The following CASKIN2 variants were observed in gnomAD, a reference collection of about 807,000 sequenced individuals.
CASKIN2 encodes the protein caskin-2.
A neutral mutation model predicts 107.1 loss-of-function variants in CASKIN2; 41 were observed. The observed-to-expected ratio is 0.38, with a 90% CI of 0.30 to 0.50. The LOEUF (loss-of-function observed/expected upper bound fraction) is 0.50. Among genes scored for constraint, CASKIN2 ranks in the 20% least tolerant of loss-of-function variants. The probability of loss-of-function intolerance (pLI) is 0.92; values close to 1 mark genes in which losing one functional copy is unlikely to be tolerated. For synonymous variants in CASKIN2, 724 were observed against 705.6 expected, an observed-to-expected ratio of 1.03 and a Z score of -0.41; for missense variants, 1,546 against 1,657.4, an observed-to-expected ratio of 0.93 and a Z score of 1.17.
rs2053270158 is a variant in CASKIN2, at chr17:75,506,767, A to G, written c.486+32T>C. ...TCCTCCTGAGACCCTGTAGATGTCC[A>G]GGACCCAGCACCCCAAGGCTGCAGG... On this transcript the variant is annotated intron_variant, in intron 6 of 19. Transcript: ENST00000321617. The surrounding 1 kb of genome is among the most constrained non-coding windows in gnomAD (Gnocchi z 4.8). 1 of 1,613,698 alleles carries G rather than the reference A, an allele frequency of 6.2e-7. No homozygotes were observed. The highest frequency in any genetic ancestry group is 1.3e-5 in the African/African-American group (1 of 74,934).
At position 75,502,519 on chromosome 17, in the gene CASKIN2, C is replaced by T; in HGVS notation, c.2555G>A (p.Gly852Glu). The change falls in exon 18 of 20, where the codon GGG (glycine) becomes GAG (glutamate). Residue 852 changes from glycine to glutamate, a missense_variant. Gly to Glu is a moderately conservative substitution (Grantham distance 98). Transcript: ENST00000321617. This position sits in a 1 kb window ranked among gnomAD's most constrained non-coding sequence, Gnocchi z 4.3. ...SPSVTPTPAR[G>E]TPRSQSFALR... ...GGCAAAGGACTGGCTGCGAGGAGTCCCCCGAGCTGGGGTTGGGGTCACACT... is the reference window on the plus strand; with the variant it reads ...GGCAAAGGACTGGCTGCGAGGAGTCTCCCGAGCTGGGGTTGGGGTCACACT... 3 of 1,479,560 alleles carry T rather than the reference C, an allele frequency of 2.0e-6. No homozygotes were observed. In the South Asian group the frequency reaches 4.1e-5, roughly 20 times the overall value. 91.7% of individuals were successfully genotyped at this position (1,479,560 alleles called of 1,614,324 possible).
Position 75,506,877 on chromosome 17 carries a change from C to T in CASKIN2, c.408G>A (p.Gln136=). ...GHYEVSEMLL[Q]HQSNPCLVNK... ...TGACCAGGCATGGGTTGGACTGATG[C>T]TGGAGGAGCATTTCTGACTGGGGTT... Residue 136 remains glutamine, a synonymous_variant, in exon 6 of 20, where the codon CAG becomes CAA. Coordinates refer to ENST00000321617, the MANE Select transcript of CASKIN2 (RefSeq NM_020753.5). The surrounding 1 kb of genome is among the most constrained non-coding windows in gnomAD (Gnocchi z 4.8). The T allele has an allele frequency of 6.2e-7, 1 of 1,612,086 alleles. No homozygotes were observed. Among genetic ancestry groups the T allele is most frequent in the Non-Finnish European group, 8.5e-7 (1 of 1,179,322 alleles).
chr17:75,505,004 T>G lies in CASKIN2; in HGVS notation c.1000A>C (p.Ile334Leu). Residue 334 changes from isoleucine (I) to leucine (L), a missense_variant, in exon 11 of 20, where the codon ATA becomes CTA. Ile to Leu is a conservative substitution (Grantham distance 5). Transcript: ENST00000321617. This position sits in a 1 kb window ranked among gnomAD's most constrained non-coding sequence, Gnocchi z 5.1. ...ACAATGCCCGGGGGGAAGTAGCCTA[T>G]GCGGTCTGTGCCCCTCTGGCTCTCG... ...IHESQRGTDR[I>L]GYFPPGIVEV... 6.2e-7 allele frequency: 1 copy of G among 1,610,114 alleles called. No homozygotes were observed. The highest frequency in any genetic ancestry group is 8.5e-7 in the Non-Finnish European group (1 of 1,178,704).
At position 75,503,525 on chromosome 17, in the gene CASKIN2, C is replaced by T. The variant is rs560853432; in HGVS notation, c.1683G>A (p.Thr561=). 1.3e-5 allele frequency: 21 copies of T among 1,608,504 alleles called. No individual in the cohort carries two copies. The highest frequency in any genetic ancestry group is 5.5e-5 in the South Asian group (5 of 91,006). The part of the protein sequence containing the change: ...IAEWLPSYIP[T]DLLEWLCALG... The stretch of plus-strand genomic sequence containing the variant: ...GTGCACACAGCCACTCCAGCAGGTC[C>T]GTCTGGAAGAGCACCGTCCTCAGAA... The change falls in exon 17 of 20, where the codon ACG becomes ACA. Residue 561 remains threonine, a splice_region_variant and synonymous_variant. Transcript: ENST00000321617.
Position 75,503,219 on chromosome 17 carries a change from G to T in CASKIN2, c.1855C>A (p.Leu619Met). The T allele has an allele frequency of 6.3e-7, 1 of 1,598,580 alleles. No homozygotes were observed. Reference protein sequence around the residue: ...QKKLMLGVKRLAELRRGLLQG... With the variant: ...QKKLMLGVKRMAELRRGLLQG... ...AGCAGGCCCCGCCGAAGCTCCGCCA[G>T]CCGCTTCACCCCCAGCATGAGCTTC... Residue 619 changes from leucine to methionine, a missense_variant, in exon 18 of 20, where the codon CTG becomes ATG. Physicochemically the swap from Leu to Met is conservative, Grantham distance 15. Coordinates refer to ENST00000321617, the MANE Select transcript of CASKIN2 (RefSeq NM_020753.5).
intron 2 of CASKIN2, among the ~76,000 whole-genome samples, chr17:75,510,977 TG>T (rs1017081930): frequency 1.3e-5 from 2 of 149,082 alleles, no homozygotes; most frequent in African/African-American, 5.0e-5. Flanking sequence ...GAGGCTGAGG[TG>T]GGAAGATGAG....
At position 75,508,264 on chromosome 17, in the gene CASKIN2, C is replaced by T. The variant is rs774063256; in HGVS notation, c.116G>A (p.Arg39Lys). The change falls in exon 3 of 20, where the codon AGG (arginine) becomes AAG (lysine). Residue 39 changes from arginine (R) to lysine (K), a missense_variant. This residue lies in a region of CASKIN2 where 136 missense variants were observed against 198.6 expected (regional missense o/e 0.68). Coordinates refer to ENST00000321617, the MANE Select transcript of CASKIN2 (RefSeq NM_020753.5). ...AGCATCCTGGTAGTTCACGTTGAGCCTCTTTGTGGAGCCCAGGAGCTCTAG... is the reference window on the plus strand; with the variant it reads ...AGCATCCTGGTAGTTCACGTTGAGCTTCTTTGTGGAGCCCAGGAGCTCTAG... ...TKTKLLGSTK[R>K]LNVNYQDADG... The T allele has an allele frequency of 1.2e-6, 2 of 1,613,908 alleles. No homozygotes were observed. Among genetic ancestry groups the T allele is most frequent in the Non-Finnish European group, 1.7e-6 (2 of 1,179,912 alleles).
rs186314906 is a variant in CASKIN2 at position 75,504,275 on chromosome 17, G to A, written c.1407C>T (p.Cys469=). The A allele has an allele frequency of 1.2e-6, 2 of 1,607,422 alleles. No homozygotes were observed. The highest frequency in any genetic ancestry group is 1.7e-6 in the Non-Finnish European group (2 of 1,177,510). Residue 469 remains cysteine, a synonymous_variant, in exon 14 of 20, where the codon TGC becomes TGT. Coordinates refer to ENST00000321617, the MANE Select transcript of CASKIN2 (RefSeq NM_020753.5). ...GGGTGAAGATCTGCTCCCCAGAGCG[G>A]CAGTTGGCCAGAGGGCGGTGGCTCA... ...DNLSHRPLAN[C]RSGEQIFTQD...
At chr17:75,514,758 T>G (rs1296416331) in intron 1 of CASKIN2, among the ~76,000 whole-genome samples, 1 of 152,194 alleles carries the variant, frequency 6.6e-6, no homozygotes, top group East Asian at 1.9e-4. Context: ...CCCCCATTTC[T>G]GGGGGCTCTG....
chr17:75,502,100 G>T lies in CASKIN2; in HGVS notation c.2974C>A (p.Arg992=). 1 of 1,608,832 alleles carries T rather than the reference G, an allele frequency of 6.2e-7. No individual in the cohort carries two copies. The highest frequency in any genetic ancestry group is 8.5e-7 in the Non-Finnish European group (1 of 1,179,864). Residue 992 remains arginine, a synonymous_variant, in exon 18 of 20, where the codon CGG becomes AGG. Coordinates refer to ENST00000321617, the MANE Select transcript of CASKIN2 (RefSeq NM_020753.5). The surrounding 1 kb of genome is among the most constrained non-coding windows in gnomAD (Gnocchi z 4.3). The part of the protein sequence containing the change: ...FNLTESDTVK[R]RPKCREREPL... Reference sequence around the variant, plus strand: ...TCTCTCTCCCGGCACTTGGGCCTCCGCTTAACAGTGTCTGATTCCGTGAGG... The same window carrying T: ...TCTCTCTCCCGGCACTTGGGCCTCCTCTTAACAGTGTCTGATTCCGTGAGG...
Position 75,504,234 on chromosome 17 carries a change from T to C in CASKIN2, c.1448A>G (p.Glu483Gly). 1 of 1,523,212 alleles carries C rather than the reference T, an allele frequency of 6.6e-7. No homozygotes were observed. The allele number at this position is 1,523,212 out of a possible 1,614,324, so 94.4% of individuals were successfully genotyped here. Reference sequence around the variant, plus strand: ...TCACACCTTCCCCTCCAGCAGCTGTTCTGGCCGCACGTCCTGGGTGAAGAT... The same window carrying C: ...TCACACCTTCCCCTCCAGCAGCTGTCCTGGCCGCACGTCCTGGGTGAAGAT... ...EQIFTQDVRP[E>G]QLLEGKDAQA... The change falls in exon 14 of 20, where the codon GAA becomes GGA. Residue 483 changes from glutamate (E) to glycine (G), a missense_variant. Physicochemically the swap from Glu to Gly is moderately conservative, Grantham distance 98 (BLOSUM62 -2). Transcript: ENST00000321617.
chr17:75,507,197 G>C (rs2053275038), intron 4 of CASKIN2, 68 bp from the exon 5 acceptor site: 1 of 1,521,480 alleles, frequency 6.6e-7, no homozygotes, highest in African/African-American at 1.4e-5. Context: ...GAACTGAGCA[G>C]AGTACGGAGC....
intron 3 of CASKIN2, 36 bp from the exon 4 acceptor site, chr17:75,507,717 G>C: frequency 6.6e-7 from 1 of 1,507,776 alleles, no homozygotes; most frequent in Non-Finnish European, 9.2e-7. Flanking sequence ...GGGTGTTGGT[G>C]GGCAGCCCCC....
At position 75,502,607 on chromosome 17, in the gene CASKIN2, G is replaced by A; in HGVS notation, c.2467C>T (p.Leu823=). 2 of 1,603,176 alleles carry A rather than the reference G, an allele frequency of 1.2e-6. No homozygotes were observed. Among genetic ancestry groups the A allele is most frequent in the South Asian group, 1.1e-5 (1 of 89,592 alleles). ...CGGGTAAGGGTAGCATAACTGCCTA[G>A]GGTGCTGCCCACTGGCCCTTCGGCC... ...GEAEGPVGST[L]GSYATLTRRP... is the part of the protein sequence containing the mutation. Residue 823 remains leucine (L), a synonymous_variant, in exon 18 of 20, where the codon CTA becomes TTA. Transcript: ENST00000321617. This position sits in a 1 kb window ranked among gnomAD's most constrained non-coding sequence, Gnocchi z 4.3.
chr17:75,514,411 T>C (rs1462610604), intron 1 of CASKIN2, among the ~76,000 whole-genome samples: 1 of 142,700 alleles, frequency 7.0e-6, no homozygotes, highest in Non-Finnish European at 1.5e-5. Flanking sequence ...GGGGGGGAGG[T>C]GGCATTCTGG....
At position 75,503,713 on chromosome 17, in the gene CASKIN2, G is replaced by C. The variant is rs9913424; in HGVS notation, c.1626C>G (p.Ile542Met). 1 of 1,612,506 alleles carries C rather than the reference G, an allele frequency of 6.2e-7. No individual in the cohort carries two copies. Among genetic ancestry groups the C allele is most frequent in the Admixed American group, 1.7e-5 (1 of 60,020 alleles). ...GVTKPGHRKKIASEIAQLSIA... is the reference protein window; with the variant it reads ...GVTKPGHRKKMASEIAQLSIA... ...TGCTGAGCTGAGCGATCTCTGAGGCGATCTTCTTCCTGTGCCCAGGCTTGG... is the reference window on the plus strand; with the variant it reads ...TGCTGAGCTGAGCGATCTCTGAGGCCATCTTCTTCCTGTGCCCAGGCTTGG... The change falls in exon 16 of 20, where the codon ATC (isoleucine) becomes ATG (methionine). Residue 542 changes from isoleucine (I) to methionine (M), a missense_variant. Transcript: ENST00000321617.
chr17:75,507,696 C>T lies in CASKIN2; in HGVS notation c.147-15G>A, dbSNP rs766136229. 6.2e-7 allele frequency: 1 copy of T among 1,602,670 alleles called. No homozygotes were observed. The highest frequency in any genetic ancestry group is 2.2e-5 in the East Asian group (1 of 44,666). ...GGGCAGAGAATCTGATGTGGGAGGA[C>T]ACAAAGTTAGGGGTGTTGGTGGGCA... On this transcript the variant is annotated splice_polypyrimidine_tract_variant and intron_variant, in intron 3 of 19. Coordinates refer to ENST00000321617, the MANE Select transcript of CASKIN2 (RefSeq NM_020753.5).
At position 75,504,822 on chromosome 17, in the gene CASKIN2, T is replaced by C. The variant is rs1216302340; in HGVS notation, c.1182A>G (p.Pro394=). ...YSQLPRVGLS[P]DSPAGDRNSV... is the part of the protein sequence containing the mutation. ...CCTGGGAGGATGTACCTGGGCTGTCTGGGCTGAGGCCCACCCGAGGAAGCT... is the reference window on the plus strand; with the variant it reads ...CCTGGGAGGATGTACCTGGGCTGTCCGGGCTGAGGCCCACCCGAGGAAGCT... The change falls in exon 11 of 20, where the codon CCA becomes CCG. Residue 394 remains proline (P), a synonymous_variant. Transcript: ENST00000321617. 1.2e-6 allele frequency: 2 copies of C among 1,608,586 alleles called. No individual in the cohort carries two copies. The highest frequency in any genetic ancestry group is 3.4e-5 in the Admixed American group (2 of 59,664).
chr17:75,509,872 C>A (rs985649496), intron 2 of CASKIN2: 3 of 985,604 alleles, frequency 3.0e-6, no homozygotes, highest in Non-Finnish European at 3.6e-6. Flanking sequence ...CAGTCCCTCC[C>A]GAGAGGAGCA....
Sources: allele counts gnomAD v4.1 joint callset (sites outside exome capture counted in the v4.1 genomes callset), GRCh38; gene constraint gnomAD v4.1.1; regional missense constraint gnomAD v4.1.1; non-coding constraint Gnocchi (gnomAD v3.1); transcripts MANE v1.5; gene names NCBI Gene and HGNC (gene_info 2026-07-23, HGNC 2026-07-21).